Variants in LARGE1 observed in about 807,000 individuals in gnomAD.
The protein encoded by LARGE1 is LARGE xylosyl- and glucuronyltransferase 1, also known as xylosyl- and glucuronyltransferase LARGE1.
In LARGE1, 43 loss-of-function variants were observed where a neutral mutation model predicts 87.6. The observed-to-expected ratio is 0.49, with a 90% confidence interval of 0.38 to 0.63. The LOEUF (loss-of-function observed/expected upper bound fraction) is 0.63, where lower values mean the gene tolerates loss of function less well. Ranked by LOEUF, LARGE1 falls within the 30% of genes least tolerant of loss-of-function variation. LARGE1 has a pLI of 0.00. For synonymous variants in LARGE1, 434 were observed against 394.6 expected, an observed-to-expected ratio of 1.10 and a Z score of -1.18; for missense variants, 802 against 1,000.2, an observed-to-expected ratio of 0.80 and a Z score of 2.67.
rs187917725 is a variant in LARGE1 at position 33,413,737 on chromosome 22, T to A, written c.892+18424A>T. On this transcript the variant is annotated intron_variant, in intron 7 of 14. Transcript: ENST00000397394. ...GCCTCGGCCTCCCAAAGTGCTGGGA[T>A]TACAGGTGTGACCCACCGCACCCGG... Among the ~76,000 whole-genome samples the A allele has an allele frequency of 7.9e-4, 120 of 152,064 alleles. 2 individuals carry two copies. In the East Asian group the frequency reaches 0.019, roughly 24 times the overall value.
At chr22:33,271,545 C>T (rs1928244762), downstream of LARGE1, among the ~76,000 whole-genome samples, 1 of 152,328 alleles carries the variant, frequency 6.6e-6, no homozygotes, top group East Asian at 1.9e-4. Context: ...TCCTTCCTCT[C>T]AACTGAAAGC....
chr22:33,429,619 A>G (rs891785675), intron 7 of LARGE1, among the ~76,000 whole-genome samples: 1 of 152,184 alleles, frequency 6.6e-6, no homozygotes, highest in Non-Finnish European at 1.5e-5. Flanking sequence ...TTGATGCAGC[A>G]TCCCTGAGGC....
chr22:33,120,539 C>T, the LARGE1 span, among the ~76,000 whole-genome samples: 1 of 151,276 alleles, frequency 6.6e-6, no homozygotes, highest in African/African-American at 2.4e-5. Context: ...CATTCTGTCA[C>T]CCAGGCTGGG....
intron 6 of LARGE1, among the ~76,000 whole-genome samples, chr22:33,483,365 C>A (rs1166201851): frequency 6.6e-6 from 1 of 152,176 alleles, no homozygotes; most frequent in Non-Finnish European, 1.5e-5. Context: ...AATGCTTCCC[C>A]TTGCAACCAT....
intron 10 of LARGE1, among the ~76,000 whole-genome samples, chr22:33,325,153 GCTT>G (rs1179725223): frequency 1.3e-5 from 2 of 152,186 alleles, no homozygotes; most frequent in African/African-American, 4.8e-5. Context: ...CAGCCTCTGG[GCTT>G]CTTTCTAGTT....
chr22:33,170,477 A>G (rs1922505835), intron 11 of LARGE1, among the ~76,000 whole-genome samples: 1 of 152,164 alleles, frequency 6.6e-6, no homozygotes, highest in African/African-American at 2.4e-5. Flanking sequence ...TGTAATCCCC[A>G]TGTGTCGGAG....
At chr22:33,630,452 A>G (rs2080072566) in intron 3 of LARGE1, among the ~76,000 whole-genome samples, 1 of 152,214 alleles carries the variant, frequency 6.6e-6, no homozygotes, top group African/African-American at 2.4e-5. Flanking sequence ...TACAACACAC[A>G]TAGGCTATAT....
intron 2 of LARGE1, among the ~76,000 whole-genome samples, chr22:33,711,916 C>T (rs2082741316): frequency 6.6e-6 from 1 of 152,176 alleles, no homozygotes. Context: ...TTGCATCAGC[C>T]TCCCAAAGTG....
intron 7 of LARGE1, among the ~76,000 whole-genome samples, chr22:33,391,379 G>T (rs893953587): frequency 2.0e-5 from 3 of 152,120 alleles, no homozygotes; most frequent in Non-Finnish European, 4.4e-5. Context: ...AGGTGGGGAA[G>T]AACTATGGGA....
intron 1 of LARGE1, among the ~76,000 whole-genome samples, chr22:33,780,139 C>T (rs1410511996): frequency 1.3e-5 from 2 of 152,206 alleles, no homozygotes; most frequent in Non-Finnish European, 2.9e-5. Context: ...TGCCTGTGTG[C>T]ACGTCTGTGT....
At chr22:33,441,100 G>GTTTTT (rs2067458513) in intron 6 of LARGE1, among the ~76,000 whole-genome samples, 2 of 103,828 alleles carry the variant, frequency 1.9e-5, no homozygotes, top group African/African-American at 5.8e-5. Context: ...TTGAGAGGGA[G>GTTTTT]TTTTGCTCTT....
rs556717081 is a variant in LARGE1 at position 33,193,307 on chromosome 22, G to A, written c.1731-26475C>T. On this transcript the variant is annotated intron_variant, in intron 11 of 11. Coordinates refer to the LARGE1 transcript ENST00000608642. Reference sequence around the variant, plus strand: ...GAAAAAGCAAGAGAGTTTAAGGAACGAATGGGCAGGAAACCATTCAAAGAA... The same window carrying A: ...GAAAAAGCAAGAGAGTTTAAGGAACAAATGGGCAGGAAACCATTCAAAGAA... Among the ~76,000 whole-genome samples, 5 of 152,146 alleles carry A rather than the reference G, an allele frequency of 3.3e-5. No individual in the cohort carries two copies. The South Asian group carries it at 8.3e-4, about 25-fold the overall frequency.
chr22:33,594,175 G>C (rs1212228152), intron 5 of LARGE1, among the ~76,000 whole-genome samples: 1 of 152,138 alleles, frequency 6.6e-6, no homozygotes, highest in African/African-American at 2.4e-5. Context: ...TTTTACCTTA[G>C]TTGTCGAGGC....
At chr22:33,220,446 T>A (rs1225034475) in intron 11 of LARGE1, among the ~76,000 whole-genome samples, 1 of 152,036 alleles carries the variant, frequency 6.6e-6, no homozygotes, top group Non-Finnish European at 1.5e-5. Flanking sequence ...AGAGTCAGCA[T>A]ACGAGGGGGA....
intron 6 of LARGE1, among the ~76,000 whole-genome samples, chr22:33,437,355 C>G (rs2067307181): frequency 6.6e-6 from 1 of 152,168 alleles, no homozygotes; most frequent in African/African-American, 2.4e-5. Context: ...CGCCTGGGCT[C>G]AAATCCTGGC....
At chr22:33,842,231 C>T (rs1216198257) in intron 1 of LARGE1, among the ~76,000 whole-genome samples, 4 of 152,140 alleles carry the variant, frequency 2.6e-5, no homozygotes, top group East Asian at 1.9e-4. Flanking sequence ...GTGCCTTCGA[C>T]GCACGCTGTT....
At chr22:33,153,033 A>G in the LARGE1 span, among the ~76,000 whole-genome samples, 2 of 152,094 alleles carry the variant, frequency 1.3e-5, no homozygotes, top group Non-Finnish European at 2.9e-5. Context: ...CTCTGTTCAA[A>G]TATTTCAATT....
At chr22:33,464,313 C>G (rs1179643059) in intron 6 of LARGE1, among the ~76,000 whole-genome samples, 1 of 152,046 alleles carries the variant, frequency 6.6e-6, no homozygotes, top group African/African-American at 2.4e-5. Flanking sequence ...TTTTATGACC[C>G]CAGGTTTTGG....
intron 11 of LARGE1, among the ~76,000 whole-genome samples, chr22:33,308,789 A>G (rs976909120): frequency 1.4e-4 from 21 of 152,196 alleles, no homozygotes; most frequent in African/African-American, 5.1e-4. Flanking sequence ...AATCCAAAGA[A>G]TCACAAGCTC....
Sources: gnomAD v4.1 joint callset for allele counts (sites outside exome capture counted in the v4.1 genomes callset) on GRCh38, gnomAD v4.1.1 for gene constraint, MANE v1.5 for transcripts, NCBI Gene and HGNC (gene_info 2026-07-23, HGNC 2026-07-21) for gene names.